ERLIN2: variants seen among roughly 807,000 people sequenced by gnomAD.
ERLIN2 encodes the protein ER lipid raft associated 2.
In ERLIN2, 22 loss-of-function variants were observed where a neutral mutation model predicts 41.5. The observed-to-expected ratio is 0.53, with a 90% CI of 0.38 to 0.76. ERLIN2 has a LOEUF of 0.76. Ranked by LOEUF, ERLIN2 falls within the 30% of genes least tolerant of loss-of-function variation. The pLI is 0.00. For missense variants in ERLIN2, 247 were observed against 414.3 expected, an observed-to-expected ratio of 0.60 and a Z score of 3.51; for synonymous variants, 149 against 150.9, an observed-to-expected ratio of 0.99 and a Z score of 0.09.
chr8:37,737,709 C>T, intron 1 of ERLIN2, 199 bp from the exon 2 acceptor site: 1 of 600,212 alleles, frequency 1.7e-6, no homozygotes, highest in Non-Finnish European at 2.9e-6. Context: ...GGTGGGGGCT[C>T]TAATTTTACA....
rs1585921714 is a variant in ERLIN2, at chr8:37,756,687, A to G, written c.*2572A>G. 1 of 152,660 alleles carries G rather than the reference A, an allele frequency of 6.6e-6. No homozygotes were observed. Among genetic ancestry groups the G allele is most frequent in the Admixed American group, 6.5e-5 (1 of 15,278 alleles). The allele number at this position is 152,660 out of a possible 1,614,324, so 9.5% of individuals were successfully genotyped here. ...CATAGGACAACTAACCTGTCTGTGT[A>G]ACTTTGTTTTTATTTTAACTCTTAC... On this transcript the variant is annotated 3_prime_UTR_variant, in exon 12 of 12. Transcript: ENST00000519638.
intron 6 of ERLIN2, chr8:37,747,768 C>G: frequency 6.2e-7 from 1 of 1,610,560 alleles, no homozygotes; most frequent in Non-Finnish European, 8.5e-7. Flanking sequence ...CAGGTCTCCG[C>G]AGATACATAG....
At chr8:37,747,588 A>G (rs759834234) in intron 6 of ERLIN2, 2 of 1,612,122 alleles carry the variant, frequency 1.2e-6, no homozygotes, top group South Asian at 2.2e-5. Flanking sequence ...TCACCTTCTT[A>G]GGAGGCTCTT....
chr8:37,747,352 T>A, intron 6 of ERLIN2: 1 of 1,317,912 alleles, frequency 7.6e-7, no homozygotes, highest in Non-Finnish European at 1.1e-6. Context: ...GAACTGGTTG[T>A]CAATCAAGGT....
intron 9 of ERLIN2, among the ~76,000 whole-genome samples, chr8:37,750,875 C>G (rs1803203457): frequency 6.6e-6 from 1 of 152,100 alleles, no homozygotes; most frequent in Non-Finnish European, 1.5e-5. Flanking sequence ...CGGGTGCCGG[C>G]ACGCCTGGCT....
Position 37,740,437 on chromosome 8 carries a change from G to A in ERLIN2, c.180G>A (p.Lys60=). The stretch of plus-strand genomic sequence containing the variant: ...TGCTCCCTTTCATCACATCATATAA[G>A]TCTGTGCAGGTATGCTTGGCCTCTG... ...HLMLPFITSY[K]SVQTTLQTDE... The change falls in exon 3 of 12, where the codon AAG becomes AAA. Residue 60 remains lysine (K), a synonymous_variant. Transcript: ENST00000519638. The A allele has an allele frequency of 1.2e-6, 2 of 1,612,564 alleles. No individual in the cohort carries two copies. Among genetic ancestry groups the A allele is most frequent in the South Asian group, 2.2e-5 (2 of 91,056 alleles).
chr8:37,737,743 TGA>T (rs1802703079), intron 1 of ERLIN2, 163 bp from the exon 2 acceptor site: 4 of 726,222 alleles, frequency 5.5e-6, no homozygotes, highest in Middle Eastern at 4.0e-4. Context: ...GAACGTTGAC[TGA>T]GAACGAGGAG....
At position 37,741,654 on chromosome 8, in the gene ERLIN2, A is replaced by G; in HGVS notation, c.190-118A>G. ...AGGATTAGGTGGGGTAATCATGTTT[A>G]ATGAAGGCCATGCTCAACCCAAACA... On this transcript the variant is annotated intron_variant, in intron 3 of 11. Coordinates refer to ENST00000519638, the MANE Select transcript of ERLIN2 (RefSeq NM_007175.8). The surrounding 1 kb of genome is among the most constrained non-coding windows in gnomAD (Gnocchi z 4.8). 2.5e-6 allele frequency: 2 copies of G among 812,520 alleles called. No homozygotes were observed. The highest frequency in any genetic ancestry group is 2.8e-5 in the South Asian group (2 of 71,236). The allele number at this position is 812,520 out of a possible 1,614,324, so 50.3% of individuals were successfully genotyped here. A position where few individuals can be genotyped will look rare whatever the true frequency, so the allele number is the denominator to read the frequency against.
At chr8:37,750,747 G>A (rs1219998233) in intron 9 of ERLIN2, among the ~76,000 whole-genome samples, 3 of 151,646 alleles carry the variant, frequency 2.0e-5, no homozygotes, top group Non-Finnish European at 4.4e-5. Context: ...CTTTTGAGAC[G>A]GAGTCTTGCT....
intron 11 of ERLIN2, 122 bp downstream of exon 11, chr8:37,753,651 C>T (rs528389014): frequency 1.1e-6 from 1 of 896,836 alleles, no homozygotes; most frequent in Non-Finnish European, 1.8e-6. Flanking sequence ...ACTGAGGATG[C>T]CTTTGCTGTG....
rs763864496 is a variant in ERLIN2, at chr8:37,741,860, G to A, written c.236+42G>A. Reference sequence around the variant, plus strand: ...AAAGCTTTTAAGCCCAAATAAGTCAGAGAAAAGGCTGTCTGGCTGGTTGCA... The same window carrying A: ...AAAGCTTTTAAGCCCAAATAAGTCAAAGAAAAGGCTGTCTGGCTGGTTGCA... On this transcript the variant is annotated intron_variant, in intron 4 of 11. Transcript: ENST00000519638. The surrounding 1 kb of genome is among the most constrained non-coding windows in gnomAD (Gnocchi z 4.8). The A allele has an allele frequency of 6.7e-7, 1 of 1,497,458 alleles. No homozygotes were observed. The highest frequency in any genetic ancestry group is 9.3e-7 in the Non-Finnish European group (1 of 1,073,524). The allele number at this position is 1,497,458 out of a possible 1,614,324, so 92.8% of individuals were successfully genotyped here.
intron 9 of ERLIN2, among the ~76,000 whole-genome samples, chr8:37,751,336 C>T (rs1249187471): frequency 1.3e-5 from 2 of 152,220 alleles, no homozygotes; most frequent in Non-Finnish European, 2.9e-5. Context: ...CAGGTAGAAC[C>T]CTACTAGAGT....
rs1226117628 is a variant in ERLIN2, at chr8:37,751,711, T to C, written c.735T>C (p.Ile245=). The C allele has an allele frequency of 3.1e-6, 5 of 1,613,316 alleles. No individual in the cohort carries two copies. The highest frequency in any genetic ancestry group is 4.2e-6 in the Non-Finnish European group (5 of 1,179,450). Residue 245 remains isoleucine (I), a synonymous_variant, in exon 10 of 12, where the codon ATT becomes ATC. Transcript: ENST00000519638. ...EKETEKKISE[I]EDAAFLAREK... is the part of the protein sequence containing the mutation. ...AGACTGAGAAGAAGATTTCAGAAAT[T>C]GAAGGTAAGCAGAAGTGGCAGTCAT...
intron 2 of ERLIN2, among the ~76,000 whole-genome samples, chr8:37,739,812 C>CT (rs1219288019): frequency 0.025 from 3,540 of 141,574 alleles, 128 homozygotes; most frequent in African/African-American, 0.084. Flanking sequence ...CTGTCTTTTT[C>CT]TTTTTTTTTT....
At chr8:37,750,546 A>G in intron 9 of ERLIN2, 60 bp downstream of exon 9, 1 of 1,436,764 alleles carries the variant, frequency 7.0e-7, no homozygotes, top group Non-Finnish European at 9.8e-7. Context: ...TGGTGGGAAG[A>G]TGCAAGGAGG....
chr8:37,746,532 G>A, intron 6 of ERLIN2: 2 of 970,700 alleles, frequency 2.1e-6, no homozygotes, highest in African/African-American at 1.8e-5. Context: ...CAAATGTAAA[G>A]TAAAAGATAC....
In ERLIN2 at chr8:37,756,113, C is replaced by T. The variant is rs894594358; in HGVS notation, c.*1998C>T. 3 of 152,232 alleles carry T rather than the reference C, an allele frequency of 2.0e-5. No individual in the cohort carries two copies. Among genetic ancestry groups the T allele is most frequent in the Admixed American group, 1.3e-4 (2 of 15,270 alleles). 9.4% of individuals were successfully genotyped at this position (152,232 alleles called of 1,614,324 possible). A position where few individuals can be genotyped will look rare whatever the true frequency, so the allele number is the denominator to read the frequency against. Reference sequence around the variant, plus strand: ...CTGAGGCAGGAGAATTGCTTGAACTCGGGAGGCAGAGGTTGCAGTGAGCCA... The same window carrying T: ...CTGAGGCAGGAGAATTGCTTGAACTTGGGAGGCAGAGGTTGCAGTGAGCCA... On this transcript the variant is annotated 3_prime_UTR_variant, in exon 12 of 12. Coordinates refer to ENST00000519638, the MANE Select transcript of ERLIN2 (RefSeq NM_007175.8).
intron 4 of ERLIN2, among the ~76,000 whole-genome samples, chr8:37,742,957 C>CATGGCAAAG (rs1408843214): frequency 2.0e-5 from 3 of 152,208 alleles, no homozygotes; most frequent in Non-Finnish European, 4.4e-5. Context: ...GGGAGACCTT[C>CATGGCAAAG]AGGGCAAAGA....
intron 4 of ERLIN2, among the ~76,000 whole-genome samples, chr8:37,744,010 G>A (rs1802948208): frequency 6.6e-6 from 1 of 152,176 alleles, no homozygotes; most frequent in Admixed American, 6.5e-5. Flanking sequence ...AACCTTCTAA[G>A]TTCTGAAAAC....
Sources: gnomAD v4.1 joint callset for allele counts (sites outside exome capture counted in the v4.1 genomes callset) on GRCh38, gnomAD v4.1.1 for gene constraint, Gnocchi (gnomAD v3.1) non-coding constraint, MANE v1.5 for transcripts, NCBI Gene and HGNC (gene_info 2026-07-23, HGNC 2026-07-21) for gene names.